MAP3K13: variants seen among roughly 807,000 people sequenced by gnomAD.
MAP3K13 encodes the protein mitogen-activated protein kinase kinase kinase 13, also known as leucine zipper-bearing kinase.
MAP3K13 carries 52 observed loss-of-function variants against 104.0 expected under a neutral mutation model. That is an observed-to-expected ratio of 0.50 (90% confidence interval 0.40 to 0.63). MAP3K13 has a LOEUF of 0.63. MAP3K13 is among the 20% of genes least tolerant of loss of function. The pLI, the probability that MAP3K13 is intolerant of heterozygous loss-of-function variation, is 0.00. For synonymous variants in MAP3K13, 394 were observed against 442.2 expected (o/e 0.89, Z 1.37); for missense variants, 914 against 1,218.5 (o/e 0.75, Z 3.72).
intron 1 of MAP3K13, chr3:185,417,605 G>A: frequency 1.2e-6 from 2 of 1,608,896 alleles, no homozygotes; most frequent in South Asian, 2.2e-5. Flanking sequence ...GGCTTCTTCT[G>A]CTTCTTAACA....
chr3:185,422,766 T>G (rs1714205763), intron 1 of MAP3K13, among the ~76,000 whole-genome samples: 1 of 152,256 alleles, frequency 6.6e-6, no homozygotes, highest in African/African-American at 2.4e-5. Flanking sequence ...TTGTGCTGTA[T>G]AGCAGGGGTT....
intron 2 of MAP3K13, among the ~76,000 whole-genome samples, chr3:185,308,078 CTTGA>C (rs1721365984): frequency 3.8e-5 from 2 of 52,376 alleles, no homozygotes; most frequent in Admixed American, 5.4e-4. Flanking sequence ...TCTTTGTATT[CTTGA>C]TTATTTTTTG....
At chr3:185,385,382 A>T (rs999304539) in intron 1 of MAP3K13, among the ~76,000 whole-genome samples, 1 of 152,124 alleles carries the variant, frequency 6.6e-6, no homozygotes, top group African/African-American at 2.4e-5. Context: ...CATGTTGGCC[A>T]GGCTGGTCTC....
rs149138059 is a variant in MAP3K13 at position 185,440,727 on chromosome 3, C to T, written c.660-2718C>T. On this transcript the variant is annotated intron_variant, in intron 3 of 13. Transcript: ENST00000265026. Reference sequence around the variant, plus strand: ...ATCATCACCTTCATATGATCAGTGCCGTAAGCCATGACCTCAAAATTCTTT... The same window carrying T: ...ATCATCACCTTCATATGATCAGTGCTGTAAGCCATGACCTCAAAATTCTTT... Among the ~76,000 whole-genome samples, 649 of 152,186 alleles carry T rather than the reference C, an allele frequency of 4.3e-3. 7 individuals carry two copies. The highest frequency in any genetic ancestry group is 0.014 in the African/African-American group (596 of 41,528).
intron 8 of MAP3K13, among the ~76,000 whole-genome samples, chr3:185,464,931 T>C (rs1425458457): frequency 6.6e-6 from 1 of 152,136 alleles, no homozygotes; most frequent in Non-Finnish European, 1.5e-5. Context: ...GGGACTCATC[T>C]CATTGACAAG....
intron 7 of MAP3K13, among the ~76,000 whole-genome samples, chr3:185,460,133 C>G (rs1244555343): frequency 6.6e-6 from 1 of 152,062 alleles, no homozygotes; most frequent in African/African-American, 2.4e-5. Flanking sequence ...TTTATTTTGA[C>G]ATCTATACAG....
chr3:185,462,983 T>C (rs1717200117), intron 7 of MAP3K13, among the ~76,000 whole-genome samples: 3 of 152,152 alleles, frequency 2.0e-5, no homozygotes, highest in South Asian at 2.1e-4. Flanking sequence ...TCCTCCTCCT[T>C]CTCTCCTTTC....
chr3:185,327,464 G>C (rs1722078062), intron 2 of MAP3K13, among the ~76,000 whole-genome samples: 2 of 152,058 alleles, frequency 1.3e-5, no homozygotes, highest in African/African-American at 4.8e-5. Flanking sequence ...AGATCCCCAG[G>C]ATAGTGAAGG....
intron 1 of MAP3K13, among the ~76,000 whole-genome samples, chr3:185,406,357 AT>A (rs1713114192): frequency 6.6e-6 from 1 of 152,254 alleles, no homozygotes; most frequent in African/African-American, 2.4e-5. Flanking sequence ...ATTTAGAAGT[AT>A]GCTAAGTGCA....
chr3:185,457,211 A>T (rs1238384931), intron 7 of MAP3K13, among the ~76,000 whole-genome samples: 1 of 152,182 alleles, frequency 6.6e-6, no homozygotes. Context: ...CTGAACTCAG[A>T]AAAGGTTGTC....
At chr3:185,321,346 A>G (rs1428161308) in intron 2 of MAP3K13, among the ~76,000 whole-genome samples, 3 of 152,212 alleles carry the variant, frequency 2.0e-5, no homozygotes, top group African/African-American at 7.2e-5. Context: ...CATATTCAAC[A>G]CTATCAAATA....
rs747410744 is a variant in MAP3K13 at position 185,482,397 on chromosome 3, G to A, written c.2842G>A (p.Gly948Arg). Residue 948 changes from glycine to arginine, a missense_variant, in exon 14 of 14, where the codon GGG becomes AGG. Coordinates refer to ENST00000265026, the MANE Select transcript of MAP3K13 (RefSeq NM_004721.5). This position sits in a 1 kb window ranked among gnomAD's most constrained non-coding sequence, Gnocchi z 4.5. Reference sequence around the variant, plus strand: ...AGAATCGGACTGTGACTCTTCAGATGGGGAGTGTTCTGATGCCACAGTTAG... The same window carrying A: ...AGAATCGGACTGTGACTCTTCAGATAGGGAGTGTTCTGATGCCACAGTTAG... ...FEESDCDSSD[G>R]ECSDATVRTN... 4 of 1,614,110 alleles carry A rather than the reference G, an allele frequency of 2.5e-6. No individual in the cohort carries two copies. The Admixed American group carries it at 6.7e-5, about 27-fold the overall frequency.
chr3:185,321,141 T>G (rs1477901441), intron 2 of MAP3K13, among the ~76,000 whole-genome samples: 1 of 149,704 alleles, frequency 6.7e-6, no homozygotes, highest in African/African-American at 2.5e-5. Flanking sequence ...CATGTGTATA[T>G]TACATATATG....
At chr3:185,465,935 A>G in intron 9 of MAP3K13, 72 bp downstream of exon 9, 3 of 1,070,870 alleles carry the variant, frequency 2.8e-6, no homozygotes, top group Admixed American at 1.7e-5. Context: ...CTACCCTTCC[A>G]TGTTGCTGCT....
intron 1 of MAP3K13, among the ~76,000 whole-genome samples, chr3:185,388,913 T>G (rs1319005417): frequency 6.6e-6 from 1 of 152,210 alleles, no homozygotes; most frequent in Admixed American, 6.5e-5. Context: ...CATTGTTTTT[T>G]AAATGTTACA....
intron 2 of MAP3K13, among the ~76,000 whole-genome samples, chr3:185,435,121 A>G (rs1714959555): frequency 6.6e-6 from 1 of 151,282 alleles, no homozygotes; most frequent in Admixed American, 6.6e-5. Flanking sequence ...CTCCTGCCTC[A>G]GCCTCCTAAG....
intron 7 of MAP3K13, among the ~76,000 whole-genome samples, chr3:185,455,564 GAT>G (rs199799277): frequency 0.029 from 65 of 2,250 alleles, 17 homozygotes; most frequent in African/African-American, 0.058. Context: ...ATATATATGA[GAT>G]ATATATGACA....
intron 7 of MAP3K13, among the ~76,000 whole-genome samples, chr3:185,454,388 G>GATATATATGAGAT (rs1443416396): frequency 1.6e-4 from 2 of 12,176 alleles, no homozygotes; most frequent in Admixed American, 3.0e-3. Context: ...AGATATATGA[G>GATATATATGAGAT]ATATATATGA....
chr3:185,407,869 ATTT>A (rs35693572), intron 1 of MAP3K13, among the ~76,000 whole-genome samples: 1,196 of 69,126 alleles, frequency 0.017, 3 homozygotes, highest in Middle Eastern at 0.061. Flanking sequence ...AATTTTGAGA[ATTT>A]TTTTTTTTTT....
Sources: allele counts gnomAD v4.1 joint callset (sites outside exome capture counted in the v4.1 genomes callset), GRCh38; gene constraint gnomAD v4.1.1; non-coding constraint Gnocchi (gnomAD v3.1); transcripts MANE v1.5; gene names NCBI Gene and HGNC (gene_info 2026-07-23, HGNC 2026-07-21).